PIP4K2A: variants seen among roughly 807,000 people sequenced by gnomAD.
PIP4K2A encodes the protein phosphatidylinositol 5-phosphate 4-kinase type-2 alpha.
Under a neutral mutation model 42.9 loss-of-function variants are expected in PIP4K2A, and 14 were observed. The ratio of observed to expected loss-of-function variants is 0.33; its 90% confidence interval spans 0.22 to 0.51. The LOEUF (loss-of-function observed/expected upper bound fraction) is 0.51. Ranked by LOEUF, PIP4K2A falls within the 20% of genes least tolerant of loss-of-function variation. The pLI is 0.97. For synonymous variants in PIP4K2A, 192 were observed against 192.2 expected (o/e 1.00, Z 0.01); for missense variants, 434 against 519.8 (o/e 0.83, Z 1.61).
At chr10:22,586,078 G>A (rs188977807) in intron 4 of PIP4K2A, among the ~76,000 whole-genome samples, 261 of 152,278 alleles carry the variant, frequency 1.7e-3, no homozygotes, top group African/African-American at 5.8e-3. Flanking sequence ...TTAATCAACT[G>A]ATAATCATCA....
At chr10:22,580,065 G>A (rs1309617054) in intron 4 of PIP4K2A, among the ~76,000 whole-genome samples, 2 of 151,858 alleles carry the variant, frequency 1.3e-5, no homozygotes, top group African/African-American at 2.4e-5. Context: ...GCAGGAAGGC[G>A]TGAGGGAGGG....
At chr10:22,580,898 T>A (rs1837260118) in intron 4 of PIP4K2A, among the ~76,000 whole-genome samples, 1 of 152,204 alleles carries the variant, frequency 6.6e-6, no homozygotes, top group Non-Finnish European at 1.5e-5. Context: ...ACAGGTGCAG[T>A]GCTCTAATGC....
intron 1 of PIP4K2A, among the ~76,000 whole-genome samples, chr10:22,700,854 T>C (rs541975657): frequency 9.8e-5 from 15 of 152,328 alleles, no homozygotes; most frequent in South Asian, 2.1e-4. Flanking sequence ...TTTCTAAGCC[T>C]AAATGACCAA....
chr10:22,703,009 A>G (rs1488673318), intron 1 of PIP4K2A, among the ~76,000 whole-genome samples: 1 of 152,210 alleles, frequency 6.6e-6, no homozygotes, highest in African/African-American at 2.4e-5. Context: ...TAACAGTATG[A>G]TAGTGGAGGG....
chr10:22,661,393 G>A (rs2130833458), intron 1 of PIP4K2A, among the ~76,000 whole-genome samples: 1 of 116,348 alleles, frequency 8.6e-6, no homozygotes. Flanking sequence ...GTCTTGTTCT[G>A]TCGCTCGGGC....
intron 1 of PIP4K2A, among the ~76,000 whole-genome samples, chr10:22,712,642 G>C (rs903563398): frequency 3.3e-5 from 5 of 152,142 alleles, no homozygotes; most frequent in African/African-American, 4.8e-5. Flanking sequence ...AATAAAACTT[G>C]AGAGAGGAGT....
chr10:22,624,611 A>T (rs1416806703), intron 1 of PIP4K2A, among the ~76,000 whole-genome samples: 2 of 152,226 alleles, frequency 1.3e-5, no homozygotes, highest in Non-Finnish European at 2.9e-5. Flanking sequence ...TTTCCCTTAT[A>T]AAACATGTGT....
At chr10:22,673,369 TA>T (rs1350616170) in intron 1 of PIP4K2A, among the ~76,000 whole-genome samples, 1 of 152,168 alleles carries the variant, frequency 6.6e-6, no homozygotes, top group Non-Finnish European at 1.5e-5. Context: ...GAAAATGCAA[TA>T]AATATGTATG....
At chr10:22,656,605 G>A (rs1395967818) in intron 1 of PIP4K2A, among the ~76,000 whole-genome samples, 1 of 152,022 alleles carries the variant, frequency 6.6e-6, no homozygotes, top group Non-Finnish European at 1.5e-5. Flanking sequence ...TCAGGAGTTT[G>A]AGGCCAACAT....
intron 1 of PIP4K2A, among the ~76,000 whole-genome samples, chr10:22,684,890 C>T (rs930438481): frequency 1.3e-5 from 2 of 152,178 alleles, no homozygotes; most frequent in African/African-American, 4.8e-5. Flanking sequence ...CCACAGCTGT[C>T]CGATACACAG....
chr10:22,595,532 G>A (rs1837615217), intron 3 of PIP4K2A, among the ~76,000 whole-genome samples: 1 of 152,246 alleles, frequency 6.6e-6, no homozygotes, highest in Middle Eastern at 3.4e-3. Context: ...TGAGGTGGGC[G>A]GATCACTTGA....
At chr10:22,643,568 T>C (rs926617831) in intron 1 of PIP4K2A, among the ~76,000 whole-genome samples, 1 of 152,128 alleles carries the variant, frequency 6.6e-6, no homozygotes, top group Admixed American at 6.5e-5. Context: ...CCAGTTGACC[T>C]GAACCTTTGC....
intron 6 of PIP4K2A, among the ~76,000 whole-genome samples, chr10:22,555,130 G>A (rs1836504338): frequency 1.3e-5 from 2 of 152,206 alleles, no homozygotes; most frequent in African/African-American, 2.4e-5. Context: ...ACTGTCATAC[G>A]GAGTGATGCC....
chr10:22,620,177 C>T (rs528237035), intron 1 of PIP4K2A, among the ~76,000 whole-genome samples: 6 of 152,220 alleles, frequency 3.9e-5, no homozygotes, highest in East Asian at 1.9e-4. Flanking sequence ...CAGACTCTTA[C>T]GGACATCCTT....
rs57671642 is a variant in PIP4K2A at position 22,627,591 on chromosome 10, T to TAAAAAAAAAAAAAAAAAA, written c.145-17892_145-17875dup. Among the ~76,000 whole-genome samples, 16 of 57,030 alleles carry TAAAAAAAAAAAAAAAAAA rather than the reference T, an allele frequency of 2.8e-4. 2 individuals carry two copies. The highest frequency in any genetic ancestry group is 4.4e-4 in the Non-Finnish European group (14 of 31,826). 37.4% of individuals were successfully genotyped at this position (57,030 alleles called of 152,430 possible). Reference sequence around the variant, plus strand: ...TGTTTAACCAAAAGCTAATATGTAATAAAAAAAAAAAAAAAAAAAAAAAAA... The same window carrying TAAAAAAAAAAAAAAAAAA: ...TGTTTAACCAAAAGCTAATATGTAATAAAAAAAAAAAAAAAAAAAAAAAAAAAAAAAAAAAAAAAAAAA... On this transcript the variant is annotated intron_variant, in intron 1 of 9. Transcript: ENST00000376573.
intron 4 of PIP4K2A, among the ~76,000 whole-genome samples, chr10:22,590,114 G>C (rs189758735): frequency 6.6e-6 from 1 of 152,308 alleles, no homozygotes; most frequent in East Asian, 1.9e-4. Flanking sequence ...TGAGGCTACA[G>C]TGAGAAGCTG....
Position 22,639,306 on chromosome 10 carries a change from C to T in PIP4K2A, c.145-29589G>A, listed in dbSNP as rs532315581. ...CAAAAAGTGCTCAGAGAAACACCAG[C>T]TGAGCTTACCAGAAACACCCATTTA... On this transcript the variant is annotated intron_variant, in intron 1 of 9. Transcript: ENST00000376573. Among the ~76,000 whole-genome samples, 281 of 151,262 alleles carry T rather than the reference C, an allele frequency of 1.9e-3. 3 individuals carry two copies. Among genetic ancestry groups the T allele is most frequent in the Middle Eastern group, 0.014 (4 of 294 alleles).
chr10:22,572,991 T>C (rs761106015), intron 5 of PIP4K2A, among the ~76,000 whole-genome samples: 23 of 152,230 alleles, frequency 1.5e-4, no homozygotes, highest in Non-Finnish European at 2.8e-4. Context: ...TTTTACTTAC[T>C]GCCTGTCTTT....
chr10:22,546,204 C>G, intron 7 of PIP4K2A, among the ~76,000 whole-genome samples: 1 of 152,086 alleles, frequency 6.6e-6, no homozygotes. Flanking sequence ...ACAGGGGTGT[C>G]GAAGAATTAA....
Sources: allele counts gnomAD v4.1 joint callset (sites outside exome capture counted in the v4.1 genomes callset), GRCh38; gene constraint gnomAD v4.1.1; transcripts MANE v1.5; gene names NCBI Gene and HGNC (gene_info 2026-07-23, HGNC 2026-07-21).